Variants in HS3ST2 observed in about 807,000 individuals in gnomAD.
HS3ST2 encodes heparan sulfate-glucosamine 3-sulfotransferase 2, also known as heparan sulfate glucosamine 3-O-sulfotransferase 2.
In HS3ST2, 17 loss-of-function variants were observed where a neutral mutation model predicts 26.3. The observed-to-expected ratio is 0.65, with a 90% CI of 0.44 to 0.97. The LOEUF (loss-of-function observed/expected upper bound fraction) is 0.97, where lower values mean the gene tolerates loss of function less well. Ranked by LOEUF, HS3ST2 falls within the 50% of genes least tolerant of loss-of-function variation. The probability of loss-of-function intolerance (pLI) is 0.00; values close to 1 mark genes in which losing one functional copy is unlikely to be tolerated. For missense variants in HS3ST2, 402 were observed against 501.2 expected (o/e 0.80, Z 1.89); for synonymous variants, 237 against 219.2 (o/e 1.08, Z -0.72).
Position 22,814,734 on chromosome 16 carries a change from G to A in HS3ST2, c.124G>A (p.Asp42Asn), listed in dbSNP as rs1162379774. The A allele has an allele frequency of 6.2e-7, 1 of 1,609,018 alleles. No individual in the cohort carries two copies. Residue 42 changes from aspartate (D) to asparagine (N), a missense_variant, in exon 1 of 2, where the codon GAC (aspartate) becomes AAC (asparagine). Physicochemically the swap from Asp to Asn is conservative, Grantham distance 23 (BLOSUM62 1). Around this residue, in one of 2 missense-constraint regions of HS3ST2, gnomAD observed 165 missense variants for 154.6 expected, o/e 1.07. Coordinates refer to ENST00000261374, the MANE Select transcript of HS3ST2 (RefSeq NM_006043.2). ...YLCYSFLCCC[D>N]DLGRSRLLGA... The stretch of plus-strand genomic sequence containing the variant: ...GTGTTACAGCTTCCTGTGCTGCTGC[G>A]ACGACCTGGGTCGGAGCCGCCTCCT...
At chr16:22,850,441 A>G (rs1202785285) in intron 1 of HS3ST2, among the ~76,000 whole-genome samples, 1 of 152,158 alleles carries the variant, frequency 6.6e-6, no homozygotes, top group African/African-American at 2.4e-5. Flanking sequence ...ACCATAATTT[A>G]TTATTTCTCA....
intron 1 of HS3ST2, among the ~76,000 whole-genome samples, chr16:22,898,687 CA>C: frequency 6.6e-6 from 1 of 152,206 alleles, no homozygotes; most frequent in Non-Finnish European, 1.5e-5. Flanking sequence ...AAAGAACTCA[CA>C]TGTGTATAGT....
At chr16:22,857,542 T>C (rs1420334632) in intron 1 of HS3ST2, among the ~76,000 whole-genome samples, 1 of 152,238 alleles carries the variant, frequency 6.6e-6, no homozygotes. Context: ...GCCTAAACTA[T>C]GCAAAGAGCC....
At chr16:22,835,368 A>G (rs1901240365) in intron 1 of HS3ST2, among the ~76,000 whole-genome samples, 1 of 152,110 alleles carries the variant, frequency 6.6e-6, no homozygotes, top group African/African-American at 2.4e-5. Context: ...GCAAAGAGTA[A>G]CTTAGAGAAC....
intron 1 of HS3ST2, among the ~76,000 whole-genome samples, chr16:22,889,708 T>C (rs900033714): frequency 3.9e-5 from 6 of 152,156 alleles, no homozygotes; most frequent in Admixed American, 1.3e-4. Context: ...TTAAGGGACT[T>C]GCTCAGTGTC....
intron 1 of HS3ST2, among the ~76,000 whole-genome samples, chr16:22,822,665 CCAACA>C (rs1901012397): frequency 2.0e-5 from 3 of 151,972 alleles, no homozygotes; most frequent in African/African-American, 4.8e-5. Context: ...ACCAGCCTGG[CCAACA>C]TGGTGAAACC....
intron 1 of HS3ST2, among the ~76,000 whole-genome samples, chr16:22,899,682 C>T (rs1364032358): frequency 1.3e-5 from 2 of 152,054 alleles, no homozygotes; most frequent in African/African-American, 4.8e-5. Flanking sequence ...AGAATCATGG[C>T]GAAAGGTGAA....
chr16:22,912,634 G>A (rs1241768138), intron 1 of HS3ST2, among the ~76,000 whole-genome samples: 1 of 152,224 alleles, frequency 6.6e-6, no homozygotes, highest in East Asian at 1.9e-4. Flanking sequence ...CAGGGGTGTT[G>A]TATAGGCAGT....
In HS3ST2 at chr16:22,916,113, G is replaced by C. The variant is rs2141752370; in HGVS notation, c.*551G>C. On this transcript the variant is annotated 3_prime_UTR_variant, in exon 2 of 2. Coordinates refer to ENST00000261374, the MANE Select transcript of HS3ST2 (RefSeq NM_006043.2). ...CACCTCCGGCCACTCCTGGGAGACA[G>C]ACCCTTTGGTGATGAAATAAACCAG... 6.5e-6 allele frequency: 1 copy of C among 154,452 alleles called. No homozygotes were observed. The highest frequency in any genetic ancestry group is 2.4e-5 in the African/African-American group (1 of 41,588). 9.6% of individuals were successfully genotyped at this position (154,452 alleles called of 1,614,324 possible).
At chr16:22,866,136 T>A (rs1567491612) in intron 1 of HS3ST2, among the ~76,000 whole-genome samples, 1 of 152,092 alleles carries the variant, frequency 6.6e-6, no homozygotes, top group Non-Finnish European at 1.5e-5. Context: ...TTCTGGAAGG[T>A]ATAGCCAATG....
At position 22,814,917 on chromosome 16, in the gene HS3ST2, C is replaced by T; in HGVS notation, c.307C>T (p.His103Tyr). The T allele has an allele frequency of 2.5e-6, 4 of 1,597,548 alleles. No homozygotes were observed. Among genetic ancestry groups the T allele is most frequent in the East Asian group, 2.3e-5 (1 of 43,850 alleles). Residue 103 changes from histidine (H) to tyrosine (Y), a missense_variant, in exon 1 of 2, where the codon CAC becomes TAC. His to Tyr is a moderately conservative substitution (Grantham distance 83). Coordinates refer to ENST00000261374, the MANE Select transcript of HS3ST2 (RefSeq NM_006043.2). The stretch of plus-strand genomic sequence containing the variant: ...CGCCCCTCGCCTCTCCGGTTCCAAC[C>T]ACTCCGGCTCACCCAAGCTGGGTAC... The part of the protein sequence containing the change: ...VPAPRLSGSN[H>Y]SGSPKLGTKR...
chr16:22,894,452 C>T (rs1902177754), intron 1 of HS3ST2, among the ~76,000 whole-genome samples: 2 of 152,194 alleles, frequency 1.3e-5, no homozygotes, highest in African/African-American at 2.4e-5. Flanking sequence ...CCAAAACGCT[C>T]ACCGCCACTG....
intron 1 of HS3ST2, among the ~76,000 whole-genome samples, chr16:22,894,432 G>C (rs1445267119): frequency 1.3e-5 from 2 of 152,184 alleles, no homozygotes; most frequent in Non-Finnish European, 2.9e-5. Context: ...AACATTGATT[G>C]TGCCTTTTCC....
intron 1 of HS3ST2, among the ~76,000 whole-genome samples, chr16:22,826,716 G>T (rs1901091791): frequency 6.6e-6 from 1 of 152,082 alleles, no homozygotes; most frequent in Non-Finnish European, 1.5e-5. Flanking sequence ...GTCTGTTCGG[G>T]GCTACAAACT....
chr16:22,910,352 C>T (rs568952365), intron 1 of HS3ST2, among the ~76,000 whole-genome samples: 2 of 152,206 alleles, frequency 1.3e-5, no homozygotes, highest in South Asian at 4.1e-4. Flanking sequence ...TTGCAACAGC[C>T]CCTGTAGAAT....
chr16:22,904,734 G>T (rs548664465), intron 1 of HS3ST2, among the ~76,000 whole-genome samples: 1 of 152,340 alleles, frequency 6.6e-6, no homozygotes, highest in Admixed American at 6.5e-5. Context: ...GGGGCCATGG[G>T]CAGGATCAGG....
At chr16:22,841,702 G>C (rs942927630) in intron 1 of HS3ST2, among the ~76,000 whole-genome samples, 3 of 152,124 alleles carry the variant, frequency 2.0e-5, no homozygotes, top group Non-Finnish European at 4.4e-5. Context: ...CAAGATTGTA[G>C]ATTTATCCAG....
At chr16:22,907,148 A>G (rs938376082) in intron 1 of HS3ST2, among the ~76,000 whole-genome samples, 2 of 152,126 alleles carry the variant, frequency 1.3e-5, no homozygotes, top group South Asian at 4.1e-4. Context: ...AAAATAAAAC[A>G]CTTGGCAAGT....
At chr16:22,893,851 G>C (rs1276766191) in intron 1 of HS3ST2, among the ~76,000 whole-genome samples, 4 of 151,982 alleles carry the variant, frequency 2.6e-5, no homozygotes, top group Non-Finnish European at 4.4e-5. Flanking sequence ...GCAGGGACAC[G>C]ATCATAGCTC....
Sources: gnomAD v4.1 joint callset for allele counts (sites outside exome capture counted in the v4.1 genomes callset) on GRCh38, gnomAD v4.1.1 for gene constraint, gnomAD v4.1.1 regional missense constraint, MANE v1.5 for transcripts, NCBI Gene and HGNC (gene_info 2026-07-23, HGNC 2026-07-21) for gene names.